CSRNP3: variants seen among roughly 807,000 people sequenced by gnomAD.
CSRNP3 encodes cysteine/serine-rich nuclear protein 3.
A neutral mutation model predicts 48.0 loss-of-function variants in CSRNP3; 12 were observed. The observed-to-expected ratio is 0.25, with a 90% CI of 0.16 to 0.41. The LOEUF is 0.41. Ranked by LOEUF, CSRNP3 falls within the 10% of genes least tolerant of loss-of-function variation. CSRNP3 has a pLI of 1.00. For synonymous variants in CSRNP3, 263 were observed against 269.7 expected (o/e 0.98, Z 0.24); for missense variants, 580 against 724.4 (o/e 0.80, Z 2.29).
chr2:165,477,530 G>T (rs1323959104), intron 1 of CSRNP3, among the ~76,000 whole-genome samples: 1 of 137,562 alleles, frequency 7.3e-6, no homozygotes, highest in Non-Finnish European at 1.6e-5. Flanking sequence ...TTAGCCAGGT[G>T]TGGTCGTGGG....
rs190009060 is a variant in CSRNP3, at chr2:165,623,202, C to T, written c.148+27989C>T. On this transcript the variant is annotated intron_variant, in intron 4 of 6. Transcript: ENST00000651982. ...GATGATTTAAAGCAGGGGTGCCCAA[C>T]CCCTGGGCCATGGACTGGTACCTGT... is the stretch of plus-strand genomic sequence containing the variant. Among the ~76,000 whole-genome samples, 4 of 152,232 alleles carry T rather than the reference C, an allele frequency of 2.6e-5. No homozygotes were observed. The East Asian group carries it at 7.7e-4, about 29-fold the overall frequency.
At chr2:165,631,982 A>G (rs1485146121) in intron 4 of CSRNP3, among the ~76,000 whole-genome samples, 3 of 152,224 alleles carry the variant, frequency 2.0e-5, no homozygotes, top group Admixed American at 6.5e-5. Context: ...GGGTTTAAAT[A>G]CTATTAATAT....
In CSRNP3 at chr2:165,680,702, A is replaced by G. The variant is rs1031307791; in HGVS notation, c.*949A>G. On this transcript the variant is annotated 3_prime_UTR_variant, in exon 7 of 7. Transcript: ENST00000651982. ...TTGAGATGAAAAAATTTAAAAAAAA[A>G]TTAAAAAGATCTTTAACTATTATAA... The G allele has an allele frequency of 6.6e-6, 1 of 152,406 alleles. No individual in the cohort carries two copies. The highest frequency in any genetic ancestry group is 1.5e-5 in the Non-Finnish European group (1 of 68,028). The allele number at this position is 152,406 out of a possible 1,614,324, so 9.4% of individuals were successfully genotyped here.
intron 3 of CSRNP3, among the ~76,000 whole-genome samples, chr2:165,553,750 T>A (rs188558986): frequency 1.2e-3 from 187 of 152,330 alleles, no homozygotes; most frequent in Admixed American, 3.6e-3. Context: ...GCTATTCAAC[T>A]GGTGCAGTAG....
chr2:165,475,982 T>G (rs951385715), intron 1 of CSRNP3, among the ~76,000 whole-genome samples: 1 of 152,170 alleles, frequency 6.6e-6, no homozygotes, highest in African/African-American at 2.4e-5. Flanking sequence ...ATGGGTTAAT[T>G]GTAAATTAAT....
At chr2:165,479,420 T>C (rs2105447480) in intron 1 of CSRNP3, among the ~76,000 whole-genome samples, 1 of 152,318 alleles carries the variant, frequency 6.6e-6, no homozygotes, top group East Asian at 1.9e-4. Flanking sequence ...CTGTGTGACC[T>C]TGGCCTCATC....
chr2:165,504,538 A>G (rs1236363673), intron 2 of CSRNP3, among the ~76,000 whole-genome samples: 1 of 152,070 alleles, frequency 6.6e-6, no homozygotes, highest in Admixed American at 6.6e-5. Context: ...TAATTTTTTC[A>G]CTTCCATGCC....
chr2:165,610,923 A>C (rs906005673), intron 4 of CSRNP3, among the ~76,000 whole-genome samples: 5 of 152,192 alleles, frequency 3.3e-5, no homozygotes, highest in African/African-American at 1.2e-4. Context: ...GTTTGCTTGA[A>C]GTCTGTTAGA....
intron 4 of CSRNP3, among the ~76,000 whole-genome samples, chr2:165,630,621 C>T (rs1349412195): frequency 6.6e-6 from 1 of 152,196 alleles, no homozygotes; most frequent in Admixed American, 6.5e-5. Flanking sequence ...ATCTCTTTCT[C>T]TCCCAGTTAT....
intron 4 of CSRNP3, among the ~76,000 whole-genome samples, chr2:165,598,208 C>T (rs1430475825): frequency 6.6e-6 from 1 of 152,108 alleles, no homozygotes; most frequent in Non-Finnish European, 1.5e-5. Context: ...GTTACGGTAA[C>T]TCATTCAATT....
At chr2:165,494,176 A>C (rs1558916140) in intron 1 of CSRNP3, among the ~76,000 whole-genome samples, 1 of 152,140 alleles carries the variant, frequency 6.6e-6, no homozygotes, top group Non-Finnish European at 1.5e-5. Flanking sequence ...CATAGGACTC[A>C]AGTATTCCCT....
chr2:165,579,498 C>T (rs1685506437), intron 3 of CSRNP3, among the ~76,000 whole-genome samples: 2 of 152,126 alleles, frequency 1.3e-5, no homozygotes, highest in Admixed American at 1.3e-4. Flanking sequence ...GCAATTAAGG[C>T]AGTAGTTATT....
At chr2:165,537,862 C>CT (rs1684901705) in intron 3 of CSRNP3, among the ~76,000 whole-genome samples, 1 of 151,812 alleles carries the variant, frequency 6.6e-6, no homozygotes, top group Non-Finnish European at 1.5e-5. Flanking sequence ...CTTCCATTTT[C>CT]TTTTTGATTT....
chr2:165,638,573 G>T (rs1686672207), intron 4 of CSRNP3, among the ~76,000 whole-genome samples: 1 of 152,018 alleles, frequency 6.6e-6, no homozygotes, highest in African/African-American at 2.4e-5. Flanking sequence ...TTCTGAAAAT[G>T]TTGTAAATCT....
In CSRNP3 at chr2:165,667,108, A is replaced by G. The variant is rs563913517; in HGVS notation, c.408+9088A>G. Among the ~76,000 whole-genome samples, 45 of 143,980 alleles carry G rather than the reference A, an allele frequency of 3.1e-4. No individual in the cohort carries two copies. In the East Asian group the frequency reaches 3.6e-3, roughly 11 times the overall value. 94.5% of individuals were successfully genotyped at this position (143,980 alleles called of 152,430 possible). A position where few individuals can be genotyped will look rare whatever the true frequency, so the allele number is the denominator to read the frequency against. ...GAAAGAGAGAGAGAGAAAAGGAAGG[A>G]AGGAAGGAAAGAGAGAAAGAAAGAA... On this transcript the variant is annotated intron_variant, in intron 5 of 6. Coordinates refer to ENST00000651982, the MANE Select transcript of CSRNP3 (RefSeq NM_001172173.2).
intron 3 of CSRNP3, among the ~76,000 whole-genome samples, chr2:165,580,234 A>G (rs1685521096): frequency 6.6e-6 from 1 of 152,130 alleles, no homozygotes. Context: ...TGAATGTCCA[A>G]GTTTCAAAAG....
At chr2:165,532,161 A>T (rs550916214) in intron 3 of CSRNP3, among the ~76,000 whole-genome samples, 1 of 152,222 alleles carries the variant, frequency 6.6e-6, no homozygotes, top group African/African-American at 2.4e-5. Flanking sequence ...TCCTTCTGAA[A>T]CTATTCCAAT....
At chr2:165,673,789 G>A (rs1409564040) in intron 5 of CSRNP3, among the ~76,000 whole-genome samples, 3 of 152,126 alleles carry the variant, frequency 2.0e-5, no homozygotes, top group Admixed American at 1.3e-4. Flanking sequence ...GGGAGGCCAA[G>A]GCAGGTGGAT....
At chr2:165,595,235 G>C (rs754800837) in intron 4 of CSRNP3, 22 bp downstream of exon 4, 1 of 1,585,204 alleles carries the variant, frequency 6.3e-7, no homozygotes, top group African/African-American at 1.3e-5. Flanking sequence ...AATCAGAACC[G>C]AAGTCAATTG....
Sources: gnomAD v4.1 joint callset for allele counts (sites outside exome capture counted in the v4.1 genomes callset) on GRCh38, gnomAD v4.1.1 for gene constraint, MANE v1.5 for transcripts, NCBI Gene and HGNC (gene_info 2026-07-23, HGNC 2026-07-21) for gene names.